Variants in ADGRA3 observed in about 807,000 individuals in gnomAD.
ADGRA3 encodes the protein G-protein coupled receptor 125.
ADGRA3 carries 56 observed loss-of-function variants against 119.8 expected under a neutral mutation model. That is an observed-to-expected ratio of 0.47 (90% confidence interval 0.38 to 0.58). ADGRA3 has a LOEUF of 0.58. Ranked by LOEUF, ADGRA3 falls within the 20% of genes least tolerant of loss-of-function variation. The pLI is 0.00. For synonymous variants in ADGRA3, 607 were observed against 623.8 expected (o/e 0.97, Z 0.40); for missense variants, 1,516 against 1,649.0 (o/e 0.92, Z 1.40).
chr4:22,506,549 T>C (rs1719247183), intron 1 of ADGRA3, among the ~76,000 whole-genome samples: 1 of 151,902 alleles, frequency 6.6e-6, no homozygotes, highest in African/African-American at 2.4e-5. Flanking sequence ...TGAGACCCTA[T>C]CTCAAAAACA....
chr4:22,507,344 C>T (rs1719278085), intron 1 of ADGRA3, among the ~76,000 whole-genome samples: 1 of 152,166 alleles, frequency 6.6e-6, no homozygotes. Context: ...GCTCTGTTCT[C>T]TAGAGTTAAG....
At chr4:22,440,137 G>GT (rs1175956695) in intron 7 of ADGRA3, among the ~76,000 whole-genome samples, 1 of 152,080 alleles carries the variant, frequency 6.6e-6, no homozygotes, top group East Asian at 1.9e-4. Context: ...TTGTACCACA[G>GT]TAACTGTCCA....
chr4:22,466,795 T>G (rs2109110180), intron 2 of ADGRA3, among the ~76,000 whole-genome samples: 1 of 152,116 alleles, frequency 6.6e-6, no homozygotes, highest in African/African-American at 2.4e-5. Flanking sequence ...GCACCTCAGT[T>G]ACTTCAACTG....
At chr4:22,491,949 C>T (rs577949026) in intron 1 of ADGRA3, among the ~76,000 whole-genome samples, 3 of 152,204 alleles carry the variant, frequency 2.0e-5, no homozygotes, top group African/African-American at 7.2e-5. Context: ...AGTTCCCAAT[C>T]GTCAGATCAA....
chr4:22,490,445 T>C (rs1307198745), intron 1 of ADGRA3, among the ~76,000 whole-genome samples: 1 of 152,224 alleles, frequency 6.6e-6, no homozygotes, highest in Admixed American at 6.5e-5. Flanking sequence ...CCTGAGGTTC[T>C]TATAGGAGTC....
At chr4:22,480,110 G>A (rs770156632) in intron 1 of ADGRA3, among the ~76,000 whole-genome samples, 6 of 152,100 alleles carry the variant, frequency 3.9e-5, no homozygotes, top group Non-Finnish European at 7.4e-5. Context: ...AAAACTGCAC[G>A]TCCTGCACAT....
chr4:22,397,401 C>G (rs1215562029), intron 16 of ADGRA3, among the ~76,000 whole-genome samples: 1 of 151,900 alleles, frequency 6.6e-6, no homozygotes, highest in Non-Finnish European at 1.5e-5. Flanking sequence ...AGAATGGTCT[C>G]GATCTCTTGA....
At chr4:22,486,600 G>C (rs1375842591) in intron 1 of ADGRA3, among the ~76,000 whole-genome samples, 1 of 152,128 alleles carries the variant, frequency 6.6e-6, no homozygotes, top group Non-Finnish European at 1.5e-5. Context: ...AGAAAGGGAG[G>C]CAGATGCAGG....
intron 1 of ADGRA3, among the ~76,000 whole-genome samples, chr4:22,510,112 ACAGT>A (rs982043016): frequency 1.3e-5 from 2 of 152,032 alleles, no homozygotes; most frequent in African/African-American, 2.4e-5. Flanking sequence ...CGTCTGCCAT[ACAGT>A]CATTCTCAGA....
chr4:22,499,583 G>T (rs947893188), intron 1 of ADGRA3, among the ~76,000 whole-genome samples: 1 of 152,122 alleles, frequency 6.6e-6, no homozygotes, highest in Non-Finnish European at 1.5e-5. Context: ...CACTTCAGAT[G>T]GAGGCCTCCC....
intron 2 of ADGRA3, among the ~76,000 whole-genome samples, chr4:22,463,894 A>G (rs923388767): frequency 1.3e-5 from 2 of 152,194 alleles, no homozygotes; most frequent in African/African-American, 2.4e-5. Context: ...ACCTGGTGAT[A>G]GAGACTGGAC....
intron 14 of ADGRA3, 79 bp downstream of exon 14, chr4:22,413,103 A>C (rs570588434): frequency 8.2e-6 from 9 of 1,093,974 alleles, no homozygotes; most frequent in Middle Eastern, 3.0e-4. Flanking sequence ...AAAAAACAAA[A>C]AAACACTTCA....
intron 3 of ADGRA3, chr4:22,455,764 A>T: frequency 8.0e-7 from 1 of 1,245,366 alleles, no homozygotes; most frequent in Non-Finnish European, 1.1e-6. Flanking sequence ...TTAAAAGTAA[A>T]AACTTTATGT....
rs1188916256 is a variant in ADGRA3, at chr4:22,442,871, C to T, written c.707-8G>A. On this transcript the variant is annotated splice_polypyrimidine_tract_variant and splice_region_variant and intron_variant, in intron 6 of 18. Transcript: ENST00000334304. ...GCAATTCAAGCGGAGGGTCTAGAGA[C>T]AATCAAACAAAGATTCAGTAAACAA... is the stretch of plus-strand genomic sequence containing the variant. 6.3e-7 allele frequency: 1 copy of T among 1,590,370 alleles called. No homozygotes were observed. The highest frequency in any genetic ancestry group is 1.7e-5 in the Admixed American group (1 of 59,248).
intron 1 of ADGRA3, among the ~76,000 whole-genome samples, chr4:22,487,252 T>C (rs533202282): frequency 6.6e-6 from 1 of 152,362 alleles, no homozygotes; most frequent in Admixed American, 6.5e-5. Context: ...CAATATATTC[T>C]AAATCAGAGG....
intron 1 of ADGRA3, among the ~76,000 whole-genome samples, chr4:22,495,690 C>T (rs1031885742): frequency 3.9e-5 from 6 of 152,032 alleles, no homozygotes; most frequent in South Asian, 2.1e-4. Context: ...GGGTGGATGA[C>T]GAGGTCAGGA....
chr4:22,388,165 C>G lies in ADGRA3; in HGVS notation c.3506G>C (p.Ser1169Thr), dbSNP rs373531543. ...EVQFRTNVHS[S>T]RHHKNRSKGH... ...TTTACTTCTGTTTTTATGGTGGCGG[C>G]TTGAGTGCACATTTGTTCGAAACTG... Residue 1169 changes from serine (S) to threonine (T), a missense_variant, in exon 19 of 19, where the codon AGC becomes ACC. By Grantham distance (58) the Ser-to-Thr change is moderately conservative. This residue lies in a region of ADGRA3 where 1,088 missense variants were observed against 1,107.1 expected (regional missense o/e 0.98). Coordinates refer to ENST00000334304, the MANE Select transcript of ADGRA3 (RefSeq NM_145290.4). The G allele has an allele frequency of 1.2e-6, 2 of 1,614,000 alleles. No homozygotes were observed. The highest frequency in any genetic ancestry group is 1.7e-5 in the Admixed American group (1 of 60,008).
At chr4:22,483,863 G>C (rs1312207514) in intron 1 of ADGRA3, among the ~76,000 whole-genome samples, 1 of 152,220 alleles carries the variant, frequency 6.6e-6, no homozygotes. Context: ...ATTTGAAGTT[G>C]AGGAGAGGCT....
intron 16 of ADGRA3, among the ~76,000 whole-genome samples, chr4:22,396,307 T>A (rs1714351337): frequency 1.3e-5 from 2 of 152,154 alleles, no homozygotes; most frequent in Non-Finnish European, 2.9e-5. Context: ...CTTCAAGCAA[T>A]CACTGTGAGG....
Sources: allele counts gnomAD v4.1 joint callset (sites outside exome capture counted in the v4.1 genomes callset), GRCh38; gene constraint gnomAD v4.1.1; regional missense constraint gnomAD v4.1.1; transcripts MANE v1.5; gene names NCBI Gene and HGNC (gene_info 2026-07-23, HGNC 2026-07-21).